Variants in SLC38A12 observed in about 807,000 individuals in gnomAD.
SLC38A12 encodes the protein putative sodium-coupled neutral amino acid transporter 12.
the SLC38A12 span, chr17:74,837,400 G>A: frequency 1.0e-6 from 1 of 985,572 alleles, no homozygotes; most frequent in Non-Finnish European, 1.2e-6. Context: ...CCTGCCAGCT[G>A]GGCCTAAAGT....
chr17:74,781,178 A>G, the SLC38A12 span, among the ~76,000 whole-genome samples: 1 of 152,246 alleles, frequency 6.6e-6, no homozygotes, highest in Admixed American at 6.5e-5. Flanking sequence ...CAAGCTGAGA[A>G]ACCCTGATCC....
the SLC38A12 span, among the ~76,000 whole-genome samples, chr17:74,825,500 G>A: frequency 1.2e-4 from 19 of 152,216 alleles, no homozygotes; most frequent in Non-Finnish European, 2.4e-4. Context: ...GCCATGTGCC[G>A]CCAAATGACT....
At chr17:74,829,395 A>G in the SLC38A12 span, among the ~76,000 whole-genome samples, 4,835 of 152,234 alleles carry the variant, frequency 0.032, 115 homozygotes, top group Non-Finnish European at 0.05. The surrounding 1 kb of genome is among the most constrained non-coding windows in gnomAD (Gnocchi z 4.1). Context: ...CCACACACCA[A>G]GTCTTTGAAA....
the SLC38A12 span, chr17:74,795,012 T>C: frequency 6.2e-7 from 1 of 1,613,282 alleles, no homozygotes; most frequent in South Asian, 1.1e-5. Flanking sequence ...TTCCTTTCAG[T>C]GGGGGTCAAC....
At chr17:74,780,519 C>T in the SLC38A12 span, among the ~76,000 whole-genome samples, 344 of 152,274 alleles carry the variant, frequency 2.3e-3, 2 homozygotes, top group Admixed American at 1.1e-3. Context: ...CCACTGCTTC[C>T]CAGGAGTCTG....
At chr17:74,786,074 G>C in the SLC38A12 span, among the ~76,000 whole-genome samples, 1 of 152,230 alleles carries the variant, frequency 6.6e-6, no homozygotes, top group Admixed American at 6.5e-5. Flanking sequence ...ACACACGCCT[G>C]GGTGCACGAT....
the SLC38A12 span, among the ~76,000 whole-genome samples, chr17:74,796,732 G>A: frequency 3.3e-5 from 5 of 152,324 alleles, no homozygotes; most frequent in East Asian, 1.9e-4. Flanking sequence ...TGATTCCTCC[G>A]TTGCAGGTCT....
chr17:74,782,485 G>A, the SLC38A12 span, among the ~76,000 whole-genome samples: 1 of 152,212 alleles, frequency 6.6e-6, no homozygotes, highest in African/African-American at 2.4e-5. Flanking sequence ...GGCCCGGTCT[G>A]TAGAAGGCTC....
the SLC38A12 span, among the ~76,000 whole-genome samples, chr17:74,816,106 C>T: frequency 6.6e-6 from 1 of 152,216 alleles, no homozygotes; most frequent in Non-Finnish European, 1.5e-5. Flanking sequence ...CCCTACTGTG[C>T]TTAAATCTCA....
the SLC38A12 span, chr17:74,836,941 A>C: frequency 1.5e-6 from 2 of 1,311,452 alleles, no homozygotes; most frequent in South Asian, 2.2e-5. The surrounding 1 kb of genome is among the most constrained non-coding windows in gnomAD (Gnocchi z 4.2). Context: ...CCCAAGTTCT[A>C]AGACTCATTA....
chr17:74,788,508 C>G, the SLC38A12 span, among the ~76,000 whole-genome samples: 4 of 152,184 alleles, frequency 2.6e-5, no homozygotes, highest in Non-Finnish European at 5.9e-5. Flanking sequence ...GTCCCAGTAT[C>G]ACGTCTGCCC....
the SLC38A12 span, among the ~76,000 whole-genome samples, chr17:74,823,512 C>G: frequency 3.3e-5 from 5 of 152,270 alleles, no homozygotes; most frequent in Admixed American, 3.3e-4. Flanking sequence ...TAAATAGCCA[C>G]TTGTCCAGGA....
chr17:74,804,219 G>A, the SLC38A12 span, among the ~76,000 whole-genome samples: 1 of 152,214 alleles, frequency 6.6e-6, no homozygotes, highest in African/African-American at 2.4e-5. Context: ...TCTATATAGC[G>A]CCCCAGGGCC....
At chr17:74,838,838 A>C in the SLC38A12 span, 1 of 1,527,380 alleles carries the variant, frequency 6.5e-7, no homozygotes, top group Non-Finnish European at 8.8e-7. Context: ...TGCAGCCATC[A>C]TCAACTTGGC....
At chr17:74,822,364 G>C in the SLC38A12 span, among the ~76,000 whole-genome samples, 1 of 151,818 alleles carries the variant, frequency 6.6e-6, no homozygotes, top group Non-Finnish European at 1.5e-5. Flanking sequence ...CCCACCCCCA[G>C]GTCTCCCACC....
chr17:74,811,505 G>A, the SLC38A12 span, among the ~76,000 whole-genome samples: 69 of 151,996 alleles, frequency 4.5e-4, 1 homozygote, highest in Non-Finnish European at 1.2e-4. Flanking sequence ...CAGATCACTT[G>A]AGGTCAGGAG....
chr17:74,828,708 G>T, the SLC38A12 span, among the ~76,000 whole-genome samples: 1 of 152,166 alleles, frequency 6.6e-6, no homozygotes, highest in Admixed American at 6.5e-5. Flanking sequence ...GTCACAGCCC[G>T]GGGGTACTCA....
chr17:74,836,662 T>G, the SLC38A12 span: 14 of 1,607,712 alleles, frequency 8.7e-6, no homozygotes, highest in Non-Finnish European at 1.2e-5. This position sits in a 1 kb window ranked among gnomAD's most constrained non-coding sequence, Gnocchi z 4.2. Context: ...ACGGCCAATA[T>G]CATCCTCAGC....
the SLC38A12 span, among the ~76,000 whole-genome samples, chr17:74,786,410 G>C: frequency 6.6e-6 from 1 of 152,242 alleles, no homozygotes; most frequent in Non-Finnish European, 1.5e-5. Context: ...ACCCTTCTGG[G>C]TACTGAGGGG....
Sources: allele counts gnomAD v4.1 joint callset (sites outside exome capture counted in the v4.1 genomes callset), GRCh38; gene constraint gnomAD v4.1.1; non-coding constraint Gnocchi (gnomAD v3.1); transcripts MANE v1.5; gene names NCBI Gene and HGNC (gene_info 2026-07-23, HGNC 2026-07-21).